TFCP2L1: variants seen among roughly 807,000 people sequenced by gnomAD.
TFCP2L1 encodes the protein transcription factor CP2 like 1.
TFCP2L1 carries 12 observed loss-of-function variants against 72.2 expected under a neutral mutation model. That is an observed-to-expected ratio of 0.17 (90% CI 0.11 to 0.27). The LOEUF (loss-of-function observed/expected upper bound fraction) is 0.27. Ranked by LOEUF, TFCP2L1 falls within the 10% of genes least tolerant of loss-of-function variation. The probability of loss-of-function intolerance (pLI) is 1.00; values close to 1 mark genes in which losing one functional copy is unlikely to be tolerated. For synonymous variants in TFCP2L1, 260 were observed against 251.0 expected, an observed-to-expected ratio of 1.04 and a Z score of -0.34; for missense variants, 488 against 624.6, an observed-to-expected ratio of 0.78 and a Z score of 2.33.
chr2:121,220,928 A>G lies in TFCP2L1; in HGVS notation c.*3413T>C, dbSNP rs999686122. The G allele has an allele frequency of 6.6e-6, 1 of 152,250 alleles. No individual in the cohort carries two copies. Among genetic ancestry groups the G allele is most frequent in the African/African-American group, 2.4e-5 (1 of 41,464 alleles). The allele number at this position is 152,250 out of a possible 1,614,324, so 9.4% of individuals were successfully genotyped here. ...AGCAGATGCCAGGGGCATGCCAGAAAAATGGAAGACTCTACTAATAGCACA... is the reference window on the plus strand; with the variant it reads ...AGCAGATGCCAGGGGCATGCCAGAAGAATGGAAGACTCTACTAATAGCACA... On this transcript the variant is annotated 3_prime_UTR_variant, in exon 15 of 15. Coordinates refer to ENST00000263707, the MANE Select transcript of TFCP2L1 (RefSeq NM_014553.3).
chr2:121,246,572 C>T (rs756985705), intron 6 of TFCP2L1, among the ~76,000 whole-genome samples: 1 of 152,196 alleles, frequency 6.6e-6, no homozygotes, highest in Non-Finnish European at 1.5e-5. Context: ...ACATCCATGC[C>T]GATGCTTCTG....
At chr2:121,273,344 CCTTCCCTCAGGCTCCAGCCTTCGGG>C (rs1687082992) in intron 2 of TFCP2L1, among the ~76,000 whole-genome samples, 1 of 152,194 alleles carries the variant, frequency 6.6e-6, no homozygotes, top group African/African-American at 2.4e-5. Flanking sequence ...CCTCCTCATC[CCTTCCCTCAGGCTCCAGCCTTCGGG>C]AAGATATGTC....
chr2:121,279,409 T>G (rs1013339073), intron 2 of TFCP2L1, among the ~76,000 whole-genome samples: 1 of 152,160 alleles, frequency 6.6e-6, no homozygotes, highest in African/African-American at 2.4e-5. Flanking sequence ...CTGCAGATGG[T>G]GCACAGGTCT....
intron 2 of TFCP2L1, among the ~76,000 whole-genome samples, chr2:121,265,777 C>A (rs1686918305): frequency 6.6e-6 from 1 of 152,088 alleles, no homozygotes; most frequent in South Asian, 2.1e-4. Flanking sequence ...AGCCACCGTG[C>A]CTGGCCAAGA....
In TFCP2L1 at chr2:121,235,203, A is replaced by G; in HGVS notation, c.1094+18T>C. Reference sequence around the variant, plus strand: ...GACATGAGCCTCTGGCTGGCTTCACAGAGAAACCAACACCTACCGGCCTTT... The same window carrying G: ...GACATGAGCCTCTGGCTGGCTTCACGGAGAAACCAACACCTACCGGCCTTT... On this transcript the variant is annotated intron_variant, in intron 11 of 14. Coordinates refer to ENST00000263707, the MANE Select transcript of TFCP2L1 (RefSeq NM_014553.3). The G allele has an allele frequency of 6.2e-7, 1 of 1,613,750 alleles. No individual in the cohort carries two copies. Among genetic ancestry groups the G allele is most frequent in the Non-Finnish European group, 8.5e-7 (1 of 1,179,608 alleles).
intron 10 of TFCP2L1, among the ~76,000 whole-genome samples, chr2:121,237,164 C>T (rs1343234968): frequency 1.3e-5 from 2 of 152,082 alleles, no homozygotes; most frequent in African/African-American, 4.8e-5. Flanking sequence ...GAGGGCCCAT[C>T]AGGAAGGGCT....
At position 121,231,800 on chromosome 2, in the gene TFCP2L1, G is replaced by A. The variant is rs541684392; in HGVS notation, c.1341+26C>T. 9.8e-5 allele frequency: 158 copies of A among 1,609,616 alleles called. 1 individual carries two copies. In the South Asian group the frequency reaches 1.4e-3, roughly 14 times the overall value. On this transcript the variant is annotated intron_variant, in intron 13 of 14. Coordinates refer to ENST00000263707, the MANE Select transcript of TFCP2L1 (RefSeq NM_014553.3). ...CTCCCGTGGCCCAGAGCCCGTTGTC[G>A]GGGCAGGCCAGGCAGCAGCCCTCAC...
In TFCP2L1 at chr2:121,220,589, A is replaced by G. The variant is rs1465511884; in HGVS notation, c.*3752T>C. On this transcript the variant is annotated 3_prime_UTR_variant, in exon 15 of 15. Coordinates refer to ENST00000263707, the MANE Select transcript of TFCP2L1 (RefSeq NM_014553.3). ...CTGGGGTTCACTGTAAAAAGAAGCT[A>G]CAGTTCAGAAGCCACAGGTTGGTGG... 6 of 152,194 alleles carry G rather than the reference A, an allele frequency of 3.9e-5. No individual in the cohort carries two copies. Among genetic ancestry groups the G allele is most frequent in the African/African-American group, 1.2e-4 (5 of 41,442 alleles). The allele number at this position is 152,194 out of a possible 1,614,324, so 9.4% of individuals were successfully genotyped here.
intron 6 of TFCP2L1, among the ~76,000 whole-genome samples, 173 bp from the exon 7 acceptor site, chr2:121,242,642 C>A (rs1406713934): frequency 6.6e-6 from 1 of 152,144 alleles, no homozygotes; most frequent in Non-Finnish European, 1.5e-5. Context: ...ACCTGAGGAA[C>A]TCGGAACCTG....
intron 13 of TFCP2L1, among the ~76,000 whole-genome samples, chr2:121,231,337 G>A (rs1686139474): frequency 6.6e-6 from 1 of 152,176 alleles, no homozygotes; most frequent in Non-Finnish European, 1.5e-5. Context: ...CACAGTACCT[G>A]AGCCCTCTGC....
chr2:121,280,827 A>G (rs1054317584), intron 2 of TFCP2L1, among the ~76,000 whole-genome samples: 1 of 151,672 alleles, frequency 6.6e-6, no homozygotes, highest in Non-Finnish European at 1.5e-5. Flanking sequence ...GGAGGGAAAA[A>G]CAGAAATAAT....
At position 121,225,260 on chromosome 2, in the gene TFCP2L1, CAG is replaced by C. The variant is rs1686005859; in HGVS notation, c.1393+300_1393+301del. On this transcript the variant is annotated intron_variant, in intron 14 of 14. Coordinates refer to ENST00000263707, the MANE Select transcript of TFCP2L1 (RefSeq NM_014553.3). ...TCCCGACCCACGCTACCTGCAGACT[CAG>C]TGGCTGTATTCCAGGCTTGATCTTC... Among the ~76,000 whole-genome samples, 4 of 152,292 alleles carry C rather than the reference CAG, an allele frequency of 2.6e-5. No individual in the cohort carries two copies. The South Asian group carries it at 8.3e-4, about 32-fold the overall frequency.
chr2:121,282,319 TAAAAAAAA>T (rs539101704), intron 1 of TFCP2L1, among the ~76,000 whole-genome samples: 31 of 86,290 alleles, frequency 3.6e-4, no homozygotes, highest in Admixed American at 1.1e-3. Context: ...CTCTCCACAT[TAAAAAAAA>T]AAAAAAAAAA....
chr2:121,279,806 G>A (rs144575453), intron 2 of TFCP2L1, among the ~76,000 whole-genome samples: 1 of 152,330 alleles, frequency 6.6e-6, no homozygotes, highest in African/African-American at 2.4e-5. Context: ...CGTCTGCTCT[G>A]CCCATTGAAA....
chr2:121,249,325 C>G (rs1184295100), intron 3 of TFCP2L1, among the ~76,000 whole-genome samples: 23 of 152,340 alleles, frequency 1.5e-4, no homozygotes, highest in Admixed American at 6.5e-5. Flanking sequence ...ACGTTATTAA[C>G]CCTTTTGTGC....
chr2:121,273,989 G>A (rs1473596896), intron 2 of TFCP2L1, among the ~76,000 whole-genome samples: 1 of 151,668 alleles, frequency 6.6e-6, no homozygotes, highest in Non-Finnish European at 1.5e-5. Flanking sequence ...AGCTACTCGG[G>A]AGGCTGAGGC....
In TFCP2L1 at chr2:121,221,419, A is replaced by T. The variant is rs1685927497; in HGVS notation, c.*2922T>A. On this transcript the variant is annotated 3_prime_UTR_variant, in exon 15 of 15. Coordinates refer to ENST00000263707, the MANE Select transcript of TFCP2L1 (RefSeq NM_014553.3). ...ACTAAGTAAAAAAAAAAAAAAGGTAAGCTTCCCAACGACACCATGTCCCAG... is the reference window on the plus strand; with the variant it reads ...ACTAAGTAAAAAAAAAAAAAAGGTATGCTTCCCAACGACACCATGTCCCAG... The T allele has an allele frequency of 2.6e-5, 4 of 151,184 alleles. No individual in the cohort carries two copies. The South Asian group carries it at 8.4e-4, about 32-fold the overall frequency. 9.4% of individuals were successfully genotyped at this position (151,184 alleles called of 1,614,324 possible).
chr2:121,225,812 C>T (rs933162043), intron 13 of TFCP2L1, among the ~76,000 whole-genome samples, 199 bp from the exon 14 acceptor site: 7 of 150,886 alleles, frequency 4.6e-5, no homozygotes, highest in Non-Finnish European at 8.8e-5. Context: ...ACCACTGCCA[C>T]GGTGCCCACA....
In TFCP2L1 at chr2:121,223,862, C is replaced by A. The variant is rs547232744; in HGVS notation, c.*479G>T. 3.5e-5 allele frequency: 6 copies of A among 169,668 alleles called. No homozygotes were observed. Among genetic ancestry groups the A allele is most frequent in the African/African-American group, 1.2e-4 (5 of 41,982 alleles). 10.5% of individuals were successfully genotyped at this position (169,668 alleles called of 1,614,324 possible). ...GAAACAGGAGAATGAGGGCAAACTG[C>A]TCCCATCAAGTCGGCAGTGCTGGCC... On this transcript the variant is annotated 3_prime_UTR_variant, in exon 15 of 15. Transcript: ENST00000263707.
Sources: allele counts gnomAD v4.1 joint callset (sites outside exome capture counted in the v4.1 genomes callset), GRCh38; gene constraint gnomAD v4.1.1; transcripts MANE v1.5; gene names NCBI Gene and HGNC (gene_info 2026-07-23, HGNC 2026-07-21).